Variants in CAMK2G observed in about 807,000 individuals in gnomAD.
CAMK2G encodes the protein calcium/calmodulin-dependent protein kinase type II subunit gamma.
Under a neutral mutation model 88.7 loss-of-function variants are expected in CAMK2G, and 23 were observed. That is an observed-to-expected ratio of 0.26 (90% CI 0.19 to 0.37). CAMK2G has a LOEUF of 0.37. Among genes scored for constraint, CAMK2G ranks in the 10% least tolerant of loss-of-function variants. CAMK2G has a pLI of 1.00. For synonymous variants in CAMK2G, 263 were observed against 294.8 expected (o/e 0.89, Z 1.11); for missense variants, 476 against 780.8 (o/e 0.61, Z 4.65).
Position 73,848,280 on chromosome 10 carries a change from T to A in CAMK2G, c.602-198A>T, listed in dbSNP as rs2094391880. Among the ~76,000 whole-genome samples the A allele has an allele frequency of 6.6e-6, 1 of 152,116 alleles. No individual in the cohort carries two copies. Among genetic ancestry groups the A allele is most frequent in the African/African-American group, 2.4e-5 (1 of 41,414 alleles). On this transcript the variant is annotated intron_variant, in intron 8 of 22. Transcript: ENST00000423381. This position sits in a 1 kb window ranked among gnomAD's most constrained non-coding sequence, Gnocchi z 4.5. Reference sequence around the variant, plus strand: ...TCACGTCACCAAGTCACACCAGGGATTTCTTTAGGCACAACCCATCCTCTA... The same window carrying A: ...TCACGTCACCAAGTCACACCAGGGAATTCTTTAGGCACAACCCATCCTCTA...
chr10:73,849,230 G>T (rs1303746116), intron 6 of CAMK2G, 31 bp downstream of exon 6: 2 of 1,597,962 alleles, frequency 1.3e-6, no homozygotes, highest in Non-Finnish European at 1.7e-6. Flanking sequence ...CACTTCATGA[G>T]CAGAGGCACG....
At chr10:73,824,641 G>C (rs920884107) in intron 16 of CAMK2G, among the ~76,000 whole-genome samples, 3 of 152,186 alleles carry the variant, frequency 2.0e-5, no homozygotes, top group Non-Finnish European at 4.4e-5. Flanking sequence ...ATGAGGGTCC[G>C]CAAGGAGGGG....
At chr10:73,827,498 G>A (rs984738921) in intron 15 of CAMK2G, among the ~76,000 whole-genome samples, 4 of 152,198 alleles carry the variant, frequency 2.6e-5, no homozygotes, top group African/African-American at 9.6e-5. Flanking sequence ...GGTTTTAATG[G>A]ATGGTTTCAT....
At chr10:73,860,998 T>C in intron 2 of CAMK2G, 109 bp from the exon 3 acceptor site, 2 of 791,764 alleles carry the variant, frequency 2.5e-6, no homozygotes, top group African/African-American at 1.7e-5. Context: ...TTTGTGATGA[T>C]TTGCTGAAGT....
At chr10:73,866,852 T>C (rs1219331393) in intron 2 of CAMK2G, among the ~76,000 whole-genome samples, 1 of 152,192 alleles carries the variant, frequency 6.6e-6, no homozygotes, top group Non-Finnish European at 1.5e-5. Context: ...CAGCTGCTTA[T>C]GCACAGCCCT....
chr10:73,829,698 G>GGGGT (rs2092041614), intron 14 of CAMK2G, among the ~76,000 whole-genome samples: 1 of 133,910 alleles, frequency 7.5e-6, no homozygotes, highest in East Asian at 2.2e-4. Flanking sequence ...TATAAGTAGT[G>GGGGT]GGGTGTGTGT....
At chr10:73,865,259 C>T (rs1017983253) in intron 2 of CAMK2G, among the ~76,000 whole-genome samples, 7 of 152,262 alleles carry the variant, frequency 4.6e-5, no homozygotes, top group South Asian at 4.1e-4. Flanking sequence ...CCTGTTTTGG[C>T]GGGGCCCACC....
rs530803443 is a variant in CAMK2G at position 73,851,740 on chromosome 10, AT to A, written c.341+513del. Among the ~76,000 whole-genome samples, 81 of 63,192 alleles carry A rather than the reference AT, an allele frequency of 1.3e-3. 1 individual carries two copies. The highest frequency in any genetic ancestry group is 7.5e-3 in the East Asian group (13 of 1,728). The allele number at this position is 63,192 out of a possible 152,430, so 41.5% of individuals were successfully genotyped here. The stretch of plus-strand genomic sequence containing the variant: ...TTTGTAAAACATTCATTTGGAAGTG[AT>A]TTTTTTTGTGGGGGGGGGGAGGGGG... On this transcript the variant is annotated intron_variant, in intron 5 of 22. Coordinates refer to ENST00000423381, the MANE Select transcript of CAMK2G (RefSeq NM_001367534.1).
intron 13 of CAMK2G, 52 bp from the exon 14 acceptor site, chr10:73,837,563 A>C (rs1565310493): frequency 2.1e-6 from 3 of 1,438,708 alleles, no homozygotes; most frequent in Non-Finnish European, 2.0e-6. Flanking sequence ...CCTCTCCCCA[A>C]CCTGAAGTCC....
At position 73,839,532 on chromosome 10, in the gene CAMK2G, C is replaced by T; in HGVS notation, c.1009+7G>A. The T allele has an allele frequency of 8.1e-7, 1 of 1,234,124 alleles. No individual in the cohort carries two copies. Among genetic ancestry groups the T allele is most frequent in the African/African-American group, 1.5e-5 (1 of 64,564 alleles). The allele number at this position is 1,234,124 out of a possible 1,614,324, so 76.4% of individuals were successfully genotyped here. A position where few individuals can be genotyped will look rare whatever the true frequency, so the allele number is the denominator to read the frequency against. On this transcript the variant is annotated splice_region_variant and intron_variant, in intron 13 of 22. Transcript: ENST00000423381. This position sits in a 1 kb window ranked among gnomAD's most constrained non-coding sequence, Gnocchi z 4.2. ...GCAGGCGGTCGGGGAGGACTCATGC[C>T]ACGTACCTTGCCCGGCCAGGCCGGC...
At chr10:73,823,931 G>A in intron 17 of CAMK2G, 109 bp downstream of exon 17, 1 of 829,684 alleles carries the variant, frequency 1.2e-6, no homozygotes, top group East Asian at 2.4e-5. Context: ...CTTCAGCTGA[G>A]CCTCTGCAAA....
intron 18 of CAMK2G, among the ~76,000 whole-genome samples, chr10:73,821,412 C>T (rs1204416651): frequency 1.3e-5 from 2 of 152,158 alleles, no homozygotes; most frequent in Non-Finnish European, 2.9e-5. Context: ...GCAACAGGAA[C>T]AGTTCTCTGA....
At chr10:73,870,490 C>T (rs914023956) in intron 2 of CAMK2G, among the ~76,000 whole-genome samples, 2 of 152,130 alleles carry the variant, frequency 1.3e-5, no homozygotes, top group South Asian at 4.1e-4. Context: ...TCGATTGGAC[C>T]CCCCCAGAAG....
At chr10:73,861,483 G>A (rs1418154362) in intron 2 of CAMK2G, among the ~76,000 whole-genome samples, 2 of 152,168 alleles carry the variant, frequency 1.3e-5, no homozygotes, top group African/African-American at 4.8e-5. Context: ...AGCCTCCCGA[G>A]TAGCTGGGAT....
chr10:73,845,541 C>T (rs1461297491), intron 10 of CAMK2G, among the ~76,000 whole-genome samples: 1 of 150,214 alleles, frequency 6.7e-6, no homozygotes, highest in Non-Finnish European at 1.5e-5. Context: ...CGCGCCACTG[C>T]ACTCCAGCCT....
In CAMK2G at chr10:73,813,942, C is replaced by T. The variant is rs2084702988; in HGVS notation, c.*576G>A. ...CACAGCAGGCTGGGAGCTCTGCGTTCTCTCCCAAGTAGGTCTGATGGTCAC... is the reference window on the plus strand; with the variant it reads ...CACAGCAGGCTGGGAGCTCTGCGTTTTCTCCCAAGTAGGTCTGATGGTCAC... On this transcript the variant is annotated 3_prime_UTR_variant, in exon 23 of 23. Transcript: ENST00000423381. 6.5e-6 allele frequency: 1 copy of T among 152,726 alleles called. No individual in the cohort carries two copies. The highest frequency in any genetic ancestry group is 1.5e-5 in the Non-Finnish European group (1 of 68,098). 9.5% of individuals were successfully genotyped at this position (152,726 alleles called of 1,614,324 possible).
chr10:73,825,434 C>A, intron 15 of CAMK2G, 87 bp from the exon 16 acceptor site: 1 of 1,045,016 alleles, frequency 9.6e-7, no homozygotes, highest in South Asian at 1.3e-5. Context: ...GCCCCCTGGT[C>A]TGGCCTGGAG....
At chr10:73,874,232 C>A (rs2095992421) in intron 1 of CAMK2G, among the ~76,000 whole-genome samples, 165 bp downstream of exon 1, 1 of 124,736 alleles carries the variant, frequency 8.0e-6, no homozygotes, top group African/African-American at 3.0e-5. Flanking sequence ...GGATGCGGGG[C>A]AGTGCGCGGG....
intron 14 of CAMK2G, among the ~76,000 whole-genome samples, chr10:73,829,327 C>T (rs2091931656): frequency 6.7e-6 from 1 of 149,698 alleles, no homozygotes; most frequent in Non-Finnish European, 1.5e-5. Flanking sequence ...GGGAGTCTCA[C>T]TCTGTTGCCC....
Sources: allele counts gnomAD v4.1 joint callset (sites outside exome capture counted in the v4.1 genomes callset), GRCh38; gene constraint gnomAD v4.1.1; non-coding constraint Gnocchi (gnomAD v3.1); transcripts MANE v1.5; gene names NCBI Gene and HGNC (gene_info 2026-07-23, HGNC 2026-07-21).